The following NCBP3 variants were observed in gnomAD, a reference collection of about 807,000 sequenced individuals.
The protein encoded by NCBP3 is nuclear cap-binding protein subunit 3.
In NCBP3, 20 loss-of-function variants were observed where a neutral mutation model predicts 75.7. The ratio of observed to expected loss-of-function variants is 0.26; its 90% CI spans 0.19 to 0.38. The LOEUF (loss-of-function observed/expected upper bound fraction) is 0.38, where lower values mean the gene tolerates loss of function less well. Among genes scored for constraint, NCBP3 ranks in the 10% least tolerant of loss-of-function variants. The probability of loss-of-function intolerance (pLI) is 1.00; values close to 1 mark genes in which losing one functional copy is unlikely to be tolerated. For synonymous variants in NCBP3, 293 were observed against 290.5 expected (o/e 1.01, Z -0.09); for missense variants, 678 against 796.9 (o/e 0.85, Z 1.80).
chr17:3,824,460 A>G (rs2143667702), intron 7 of NCBP3: 1 of 152,794 alleles, frequency 6.5e-6, no homozygotes, highest in Non-Finnish European at 1.4e-5. Context: ...ATACACACAT[A>G]CACGCGATAC....
intron 10 of NCBP3, among the ~76,000 whole-genome samples, chr17:3,817,014 G>A (rs1015551918): frequency 6.6e-6 from 1 of 151,598 alleles, no homozygotes; most frequent in African/African-American, 2.4e-5. Flanking sequence ...CAGGCTGGGC[G>A]ACAGAGCGAG....
intron 2 of NCBP3, among the ~76,000 whole-genome samples, chr17:3,842,622 G>C (rs949394439): frequency 1.3e-5 from 2 of 152,134 alleles, no homozygotes; most frequent in African/African-American, 4.8e-5. Context: ...ACACACAAAT[G>C]CTGCCTGTAC....
Position 3,824,592 on chromosome 17 carries a change from G to A in NCBP3, c.796+350C>T, listed in dbSNP as rs142638675. 7.5e-4 allele frequency: 130 copies of A among 172,764 alleles called. 1 individual carries two copies. Among genetic ancestry groups the A allele is most frequent in the Non-Finnish European group, 1.1e-3 (92 of 81,162 alleles). The allele number at this position is 172,764 out of a possible 1,614,324, so 10.7% of individuals were successfully genotyped here. On this transcript the variant is annotated intron_variant, in intron 7 of 12. Coordinates refer to ENST00000389005, the MANE Select transcript of NCBP3 (RefSeq NM_001114118.3). ...ATCTTATGAGAAGGGAATTAGAACC[G>A]AATGGTACACTGGCAATGTTCAGGA...
chr17:3,835,983 C>A (rs1369953084), intron 3 of NCBP3, among the ~76,000 whole-genome samples: 6 of 152,198 alleles, frequency 3.9e-5, no homozygotes, highest in Admixed American at 3.3e-4. Flanking sequence ...TTTCCCAACC[C>A]CTCAGCACCT....
At chr17:3,826,934 C>T (rs1175791716) in intron 4 of NCBP3, among the ~76,000 whole-genome samples, 9 of 128,100 alleles carry the variant, frequency 7.0e-5, no homozygotes, top group East Asian at 5.6e-4. Context: ...GGCGTGAACC[C>T]GGGAGGCAGA....
rs1354841105 is a variant in NCBP3 at position 3,812,511 on chromosome 17, A to T, written c.*533T>A. The T allele has an allele frequency of 2.0e-6, 2 of 993,980 alleles. No individual in the cohort carries two copies. The highest frequency in any genetic ancestry group is 3.5e-5 in the African/African-American group (2 of 57,224). 61.6% of individuals were successfully genotyped at this position (993,980 alleles called of 1,614,324 possible). On this transcript the variant is annotated 3_prime_UTR_variant, in exon 13 of 13. Coordinates refer to ENST00000389005, the MANE Select transcript of NCBP3 (RefSeq NM_001114118.3). The stretch of plus-strand genomic sequence containing the variant: ...TTATCTACCTGGGCGGCACTGGTGC[A>T]CCTCTGAGGTCAGGTCCGTGAGATT...
At chr17:3,826,695 A>AGAAGGAAGGAAGGAAGGAAG (rs375511950) in intron 4 of NCBP3, among the ~76,000 whole-genome samples, 3,347 of 145,990 alleles carry the variant, frequency 0.023, 89 homozygotes, top group Admixed American at 0.063. Context: ...AGACAGAAAG[A>AGAAGGAAGGAAGGAAGGAAG]GAAGGAAGGA....
At chr17:3,828,276 G>A (rs1455900287) in intron 4 of NCBP3, among the ~76,000 whole-genome samples, 1 of 152,208 alleles carries the variant, frequency 6.6e-6, no homozygotes, top group African/African-American at 2.4e-5. Flanking sequence ...CATAGCTTCT[G>A]TATTATTTAT....
intron 9 of NCBP3, 80 bp downstream of exon 9, chr17:3,821,169 C>T: frequency 3.9e-6 from 4 of 1,037,632 alleles, no homozygotes; most frequent in Non-Finnish European, 6.0e-6. Flanking sequence ...AGTTTGGAAC[C>T]TTAAAAGATT....
chr17:3,814,163 G>C (rs1344319380), intron 12 of NCBP3, among the ~76,000 whole-genome samples, 159 bp downstream of exon 12: 2 of 152,180 alleles, frequency 1.3e-5, no homozygotes, highest in Non-Finnish European at 2.9e-5. Flanking sequence ...GGATGATGCT[G>C]ATGCTGATGC....
Position 3,814,427 on chromosome 17 carries a change from T to C in NCBP3, c.1522A>G (p.Asn508Asp). 1.2e-6 allele frequency: 2 copies of C among 1,614,226 alleles called. No homozygotes were observed. The highest frequency in any genetic ancestry group is 1.3e-5 in the African/African-American group (1 of 75,056). The change falls in exon 12 of 13, where the codon AAC becomes GAC. Residue 508 changes from asparagine to aspartate, a missense_variant. Physicochemically the swap from Asn to Asp is conservative, Grantham distance 23. This residue lies in a region of NCBP3 where 365 missense variants were observed against 392.7 expected (regional missense o/e 0.93). Transcript: ENST00000389005. The part of the protein sequence containing the change: ...PHSPEKAFSS[N>D]PVVRREPSSD... ...GAGGGCTCTCTCCGAACGACGGGGTTACTACTAAAAGCCTTTTCCGGAGAA... is the reference window on the plus strand; with the variant it reads ...GAGGGCTCTCTCCGAACGACGGGGTCACTACTAAAAGCCTTTTCCGGAGAA...
chr17:3,806,081 C>T lies in NCBP3; in HGVS notation c.*6963G>A, dbSNP rs72825438. On this transcript the variant is annotated 3_prime_UTR_variant, in exon 13 of 13. Transcript: ENST00000389005. The stretch of plus-strand genomic sequence containing the variant: ...TAGGAAGGGACAGGAAGGTGAGAAT[C>T]CTTTCTTTTTTTTTTGAGACGGAGT... 0.14 allele frequency: 20,916 copies of T among 150,688 alleles called. 2,517 individuals carry two copies. The highest frequency in any genetic ancestry group is 0.33 in the African/African-American group (13,187 of 40,492). The allele number at this position is 150,688 out of a possible 1,614,324, so 9.3% of individuals were successfully genotyped here. A position where few individuals can be genotyped will look rare whatever the true frequency, so the allele number is the denominator to read the frequency against.
chr17:3,826,239 C>T (rs572511222), intron 4 of NCBP3, 24 bp from the exon 5 acceptor site: 1 of 1,525,546 alleles, frequency 6.6e-7, no homozygotes, highest in East Asian at 2.5e-5. Flanking sequence ...TAAAATAAGA[C>T]ATTACACAGC....
At chr17:3,841,704 C>A (rs2054066168) in intron 2 of NCBP3, among the ~76,000 whole-genome samples, 1 of 147,230 alleles carries the variant, frequency 6.8e-6, no homozygotes, top group Non-Finnish European at 1.5e-5. Flanking sequence ...ATGATAGCAT[C>A]CACCTGTAGT....
At chr17:3,820,339 C>T (rs969781674) in intron 9 of NCBP3, among the ~76,000 whole-genome samples, 7 of 152,142 alleles carry the variant, frequency 4.6e-5, no homozygotes, top group African/African-American at 7.2e-5. Flanking sequence ...TTTCTGTCCC[C>T]ATTACAATGA....
intron 3 of NCBP3, among the ~76,000 whole-genome samples, chr17:3,838,520 A>G (rs960208660): frequency 1.3e-5 from 2 of 152,248 alleles, no homozygotes; most frequent in Non-Finnish European, 2.9e-5. Flanking sequence ...CATGCAGGAT[A>G]AAGAGTGAAG....
chr17:3,825,644 C>A, intron 6 of NCBP3, 123 bp downstream of exon 6: 1 of 663,950 alleles, frequency 1.5e-6, no homozygotes, highest in East Asian at 2.7e-5. Context: ...CCTGGTGCAC[C>A]CTCAGAAGGT....
chr17:3,816,139 G>A lies in NCBP3; in HGVS notation c.1442C>T (p.Pro481Leu), dbSNP rs1486375863. ...ACCTGATTTAGTACTGCTGACTGGT[G>A]GCCGTGGACGGGAGTGCTGACGTTT... Reference protein sequence around the residue: ...DEKRQHSRPRPPVSSTKSDIR... With the variant: ...DEKRQHSRPRLPVSSTKSDIR... Residue 481 changes from proline (P) to leucine (L), a missense_variant, in exon 11 of 13, where the codon CCA becomes CTA. Pro to Leu is a moderately conservative substitution (Grantham distance 98). Around this residue, in one of 7 missense-constraint regions of NCBP3, gnomAD observed 365 missense variants for 392.7 expected, o/e 0.93. Transcript: ENST00000389005. The A allele has an allele frequency of 6.2e-7, 1 of 1,613,934 alleles. No homozygotes were observed. Among genetic ancestry groups the A allele is most frequent in the African/African-American group, 1.3e-5 (1 of 74,914 alleles).
rs1330654847 is a variant in NCBP3 at position 3,803,890 on chromosome 17, A to G, written c.*9154T>C. On this transcript the variant is annotated 3_prime_UTR_variant, in exon 13 of 13. Transcript: ENST00000389005. ...GGAGATCGAGACCATCCTGGCTAAC[A>G]CGGTGAAACCCGGTCTCTACTAAAA... 4 of 152,088 alleles carry G rather than the reference A, an allele frequency of 2.6e-5. No homozygotes were observed. The South Asian group carries it at 6.2e-4, about 24-fold the overall frequency. 9.4% of individuals were successfully genotyped at this position (152,088 alleles called of 1,614,324 possible).
Sources: gnomAD v4.1 joint callset for allele counts (sites outside exome capture counted in the v4.1 genomes callset) on GRCh38, gnomAD v4.1.1 for gene constraint, gnomAD v4.1.1 regional missense constraint, MANE v1.5 for transcripts, NCBI Gene and HGNC (gene_info 2026-07-23, HGNC 2026-07-21) for gene names.